The following TMIGD3 variants were observed in gnomAD, a reference collection of about 807,000 sequenced individuals.
TMIGD3 encodes the protein AD026 protein (AD026).
A neutral mutation model predicts 28.1 loss-of-function variants in TMIGD3; 21 were observed. The ratio of observed to expected loss-of-function variants is 0.75; its 90% CI spans 0.53 to 1.08. The LOEUF is 1.08. Among genes scored for constraint, TMIGD3 ranks in the 50% least tolerant of loss-of-function variants. TMIGD3 has a pLI of 0.00. For synonymous variants in TMIGD3, 151 were observed against 162.1 expected (o/e 0.93, Z 0.52); for missense variants, 416 against 435.6 (o/e 0.96, Z 0.40).
chr1:111,515,848 G>C (rs1416740328), intron 1 of TMIGD3, among the ~76,000 whole-genome samples: 5 of 152,194 alleles, frequency 3.3e-5, no homozygotes, highest in African/African-American at 7.2e-5. Context: ...CCGGAACTCC[G>C]GGAGCCGGGG....
intron 1 of TMIGD3, chr1:111,542,136 G>A: frequency 7.3e-6 from 2 of 273,034 alleles, no homozygotes; most frequent in Non-Finnish European, 1.5e-5. Flanking sequence ...TATGTACAAA[G>A]AACTATCATG....
At chr1:111,521,857 C>T (rs1375961086) in intron 1 of TMIGD3, among the ~76,000 whole-genome samples, 1 of 152,156 alleles carries the variant, frequency 6.6e-6, no homozygotes, top group Non-Finnish European at 1.5e-5. Context: ...GGACCTTCTC[C>T]TGTGTTTTCT....
At chr1:111,513,247 C>A (rs1412846550) in intron 1 of TMIGD3, among the ~76,000 whole-genome samples, 1 of 152,186 alleles carries the variant, frequency 6.6e-6, no homozygotes, top group Non-Finnish European at 1.5e-5. Flanking sequence ...GATCACTCAG[C>A]ACTACTCACT....
intron 1 of TMIGD3, among the ~76,000 whole-genome samples, chr1:111,532,666 A>G (rs900583067): frequency 1.3e-5 from 2 of 152,206 alleles, no homozygotes; most frequent in African/African-American, 4.8e-5. Flanking sequence ...AGGAAAAAAG[A>G]AACTCAGTCC....
intron 3 of TMIGD3, among the ~76,000 whole-genome samples, chr1:111,487,112 A>G (rs1346804385): frequency 6.6e-6 from 1 of 152,146 alleles, no homozygotes; most frequent in South Asian, 2.1e-4. Flanking sequence ...CCAAAACCCA[A>G]CGGGAGCAGT....
At chr1:111,515,847 C>A (rs1182374284) in intron 1 of TMIGD3, among the ~76,000 whole-genome samples, 1 of 152,208 alleles carries the variant, frequency 6.6e-6, no homozygotes, top group Non-Finnish European at 1.5e-5. Context: ...TCCGGAACTC[C>A]GGGAGCCGGG....
intron 1 of TMIGD3, among the ~76,000 whole-genome samples, chr1:111,523,861 A>G (rs537666807): frequency 1.6e-4 from 25 of 151,778 alleles, no homozygotes; most frequent in Non-Finnish European, 3.1e-4. Flanking sequence ...AATCAGACTA[A>G]GGTTTATCAA....
At chr1:111,515,950 T>C (rs1329267186) in intron 1 of TMIGD3, among the ~76,000 whole-genome samples, 1 of 152,164 alleles carries the variant, frequency 6.6e-6, no homozygotes, top group Non-Finnish European at 1.5e-5. Context: ...TCCTACCATT[T>C]ATATGTCAGG....
At chr1:111,488,001 C>T (rs1460141126) in intron 3 of TMIGD3, among the ~76,000 whole-genome samples, 2 of 152,030 alleles carry the variant, frequency 1.3e-5, no homozygotes, top group Non-Finnish European at 2.9e-5. Flanking sequence ...GATGGGCTTT[C>T]TCCATGTTGC....
At chr1:111,501,859 C>T (rs1655193379) in intron 1 of TMIGD3, among the ~76,000 whole-genome samples, 1 of 151,672 alleles carries the variant, frequency 6.6e-6, no homozygotes, top group Non-Finnish European at 1.5e-5. Flanking sequence ...ACGAGAAACA[C>T]GAGACCAATG....
intron 1 of TMIGD3, chr1:111,542,331 C>A: frequency 2.2e-6 from 1 of 449,848 alleles, no homozygotes; most frequent in Non-Finnish European, 4.5e-6. Flanking sequence ...AGAGAAGTGT[C>A]TGTGTGGCTC....
At chr1:111,534,168 G>C (rs1197840426) in intron 1 of TMIGD3, among the ~76,000 whole-genome samples, 1 of 152,096 alleles carries the variant, frequency 6.6e-6, no homozygotes, top group Admixed American at 6.5e-5. Context: ...TGCCATGCAT[G>C]TTGTTCTACA....
chr1:111,540,510 G>C (rs906551103), intron 1 of TMIGD3, among the ~76,000 whole-genome samples: 13 of 152,206 alleles, frequency 8.5e-5, no homozygotes, highest in African/African-American at 3.1e-4. Context: ...TTAGAGGTAA[G>C]AGAGACTGAC....
chr1:111,486,544 C>T, intron 4 of TMIGD3, 42 bp downstream of exon 4: 1 of 1,499,438 alleles, frequency 6.7e-7, no homozygotes, highest in Non-Finnish European at 9.3e-7. Flanking sequence ...TACCTCCACC[C>T]CACCGCCCCA....
At chr1:111,538,519 TG>T (rs1407185453) in intron 1 of TMIGD3, among the ~76,000 whole-genome samples, 5 of 152,168 alleles carry the variant, frequency 3.3e-5, no homozygotes, top group Admixed American at 2.0e-4. Flanking sequence ...TGGCCCTTCA[TG>T]GGGGGCATCT....
At chr1:111,529,097 ATTTTTTATT>A (rs548972232) in intron 1 of TMIGD3, among the ~76,000 whole-genome samples, 7 of 151,380 alleles carry the variant, frequency 4.6e-5, no homozygotes, top group East Asian at 1.9e-4. Context: ...TATTTTATTT[ATTTTTTATT>A]TTTTTTATTT....
At chr1:111,512,200 T>C (rs1264620841) in intron 1 of TMIGD3, among the ~76,000 whole-genome samples, 1 of 152,224 alleles carries the variant, frequency 6.6e-6, no homozygotes, top group African/African-American at 2.4e-5. Flanking sequence ...GTGGGTAGAA[T>C]AGTGGGTGCT....
At chr1:111,489,598 A>G in intron 2 of TMIGD3, 1 of 1,129,448 alleles carries the variant, frequency 8.9e-7, no homozygotes. Flanking sequence ...CCCTGGCCTA[A>G]GGGTGGGTGA....
chr1:111,497,543 T>G (rs750716119), intron 1 of TMIGD3, among the ~76,000 whole-genome samples: 73 of 152,134 alleles, frequency 4.8e-4, no homozygotes, highest in Non-Finnish European at 8.7e-4. Context: ...TACGGACTCC[T>G]GGGCTTATGG....
Sources: allele counts gnomAD v4.1 joint callset (sites outside exome capture counted in the v4.1 genomes callset), GRCh38; gene constraint gnomAD v4.1.1; transcripts MANE v1.5; gene names NCBI Gene and HGNC (gene_info 2026-07-23, HGNC 2026-07-21).